The following ELL variants were observed in gnomAD, a reference collection of about 807,000 sequenced individuals.
ELL encodes the protein RNA polymerase II elongation factor ELL.
In ELL, 18 loss-of-function variants were observed where a neutral mutation model predicts 64.0. The observed-to-expected ratio is 0.28, with a 90% CI of 0.19 to 0.42. The LOEUF is 0.42. Among genes scored for constraint, ELL ranks in the 10% least tolerant of loss-of-function variants. ELL has a pLI of 1.00. For synonymous variants in ELL, 399 were observed against 376.2 expected (o/e 1.06, Z -0.70); for missense variants, 797 against 870.4 (o/e 0.92, Z 1.06).
chr19:18,483,785 TTCA>T (rs1975355786), intron 1 of ELL, among the ~76,000 whole-genome samples: 1 of 152,144 alleles, frequency 6.6e-6, no homozygotes, highest in Non-Finnish European at 1.5e-5. Flanking sequence ...TGAGCCCTGC[TTCA>T]TCAGACAGAC....
intron 1 of ELL, among the ~76,000 whole-genome samples, chr19:18,492,626 C>T (rs1258963287): frequency 2.6e-5 from 4 of 152,122 alleles, no homozygotes; most frequent in Admixed American, 6.5e-5. Flanking sequence ...TTCTTTTGAG[C>T]GACTGATAAC....
At position 18,446,498 on chromosome 19, in the gene ELL, G is replaced by C. The variant is rs764212759; in HGVS notation, c.1533-18C>G. Reference sequence around the variant, plus strand: ...CGTACTTCCTGAAACAGGAGAGAGGGGCCACTGAGTGGAGGCTGGAAGGAC... The same window carrying C: ...CGTACTTCCTGAAACAGGAGAGAGGCGCCACTGAGTGGAGGCTGGAAGGAC... On this transcript the variant is annotated intron_variant, in intron 9 of 11. Transcript: ENST00000262809. 19 of 1,607,484 alleles carry C rather than the reference G, an allele frequency of 1.2e-5. No homozygotes were observed. Among genetic ancestry groups the C allele is most frequent in the Non-Finnish European group, 1.5e-5 (18 of 1,177,978 alleles).
intron 9 of ELL, 35 bp from the exon 10 acceptor site, chr19:18,446,515 T>TGGAAGGACCCAGCCCCACCCA (rs1568373743): frequency 6.2e-7 from 1 of 1,600,296 alleles, no homozygotes; most frequent in East Asian, 2.2e-5. Flanking sequence ...GAGTGGAGGC[T>TGGAAGGACCCAGCCCCACCCA]GGAAGGACCC....
chr19:18,462,967 C>T (rs971743832), intron 4 of ELL, among the ~76,000 whole-genome samples: 6 of 152,166 alleles, frequency 3.9e-5, no homozygotes, highest in Admixed American at 2.0e-4. Flanking sequence ...CTATCCCCAA[C>T]GCAGAGACGT....
chr19:18,495,211 A>G (rs1975622243), intron 1 of ELL, among the ~76,000 whole-genome samples: 1 of 152,128 alleles, frequency 6.6e-6, no homozygotes, highest in African/African-American at 2.4e-5. Context: ...GAAGTGCAGG[A>G]GGCGAGCTGA....
chr19:18,481,944 G>A (rs968773178), intron 1 of ELL, among the ~76,000 whole-genome samples: 2 of 152,186 alleles, frequency 1.3e-5, no homozygotes, highest in Non-Finnish European at 2.9e-5. Context: ...GGCTCCCAAA[G>A]TTGCTGTACC....
At chr19:18,468,235 C>CAA (rs1974993850) in intron 2 of ELL, among the ~76,000 whole-genome samples, 1 of 151,510 alleles carries the variant, frequency 6.6e-6, no homozygotes, top group African/African-American at 2.4e-5. Flanking sequence ...CATACACACA[C>CAA]ACACACACAA....
chr19:18,445,112 C>T (rs1974384920), intron 11 of ELL, 112 bp downstream of exon 11: 2 of 1,465,772 alleles, frequency 1.4e-6, no homozygotes. Flanking sequence ...GACTCAAAGG[C>T]TCTTCCCCCA....
At chr19:18,513,199 G>A (rs546676064) in intron 1 of ELL, among the ~76,000 whole-genome samples, 16 of 152,240 alleles carry the variant, frequency 1.1e-4, no homozygotes, top group African/African-American at 3.6e-4. Flanking sequence ...CAGACACATG[G>A]GCATGCCAGG....
chr19:18,460,151 T>C (rs1974773278), intron 5 of ELL, among the ~76,000 whole-genome samples: 1 of 152,152 alleles, frequency 6.6e-6, no homozygotes, highest in African/African-American at 2.4e-5. Flanking sequence ...CCAAGCACCT[T>C]TGAGGCATGC....
chr19:18,462,741 G>A (rs1020735504), intron 4 of ELL, among the ~76,000 whole-genome samples: 2 of 152,170 alleles, frequency 1.3e-5, no homozygotes, highest in Non-Finnish European at 2.9e-5. Context: ...TGAACTGCAA[G>A]AGGCAGTCAC....
chr19:18,478,708 G>C (rs563316863), intron 1 of ELL, among the ~76,000 whole-genome samples: 1 of 152,220 alleles, frequency 6.6e-6, no homozygotes, highest in Non-Finnish European at 1.5e-5. Context: ...GAGCTGTGCC[G>C]AGGCTGGTGC....
Position 18,465,419 on chromosome 19 carries a change from G to A in ELL, c.462C>T (p.Arg154=). Residue 154 remains arginine (R), a synonymous_variant, in exon 4 of 12, where the codon CGC becomes CGT. Transcript: ENST00000262809. ...RSAIVIKAGG[R]YLGKKVQFRK... is the part of the protein sequence containing the mutation. ...GCCAAACCCACTGCTCACCCAGGTA[G>A]CGGCCTCCAGCCTTGATGACAATGG... The A allele has an allele frequency of 6.3e-7, 1 of 1,598,742 alleles. No individual in the cohort carries two copies. The highest frequency in any genetic ancestry group is 8.6e-7 in the Non-Finnish European group (1 of 1,169,312).
chr19:18,477,997 G>A (rs1975215548), intron 1 of ELL, among the ~76,000 whole-genome samples: 1 of 152,170 alleles, frequency 6.6e-6, no homozygotes, highest in African/African-American at 2.4e-5. Context: ...GAAAGCAGCT[G>A]GGGTGCAGTG....
Position 18,445,410 on chromosome 19 carries a change from G to C in ELL, c.1705-142C>G. ...GACAAGGCCAAGTAACACCCCAGGG[G>C]CCCACAGCGGCTGTAGCTCCGGAGT... On this transcript the variant is annotated intron_variant, in intron 10 of 11. Transcript: ENST00000262809. The C allele has an allele frequency of 3.5e-6, 3 of 850,518 alleles. No individual in the cohort carries two copies. In the South Asian group the frequency reaches 4.3e-5, roughly 12 times the overall value. The allele number at this position is 850,518 out of a possible 1,614,324, so 52.7% of individuals were successfully genotyped here. A position where few individuals can be genotyped will look rare whatever the true frequency, so the allele number is the denominator to read the frequency against.
Position 18,446,341 on chromosome 19 carries a change from G to A in ELL, c.1672C>T (p.Arg558Trp), listed in dbSNP as rs964006105. 5 of 1,600,004 alleles carry A rather than the reference G, an allele frequency of 3.1e-6. No homozygotes were observed. Among genetic ancestry groups the A allele is most frequent in the Non-Finnish European group, 2.6e-6 (3 of 1,175,820 alleles). ...TCCTCGGAGCCCTGGGAGAGCTGCC[G>A]GAGCTGGGCGTCGAGCTGGGTGAAC... ...RRFTQLDAQL[R>W]QLSQGSEEYE... is the part of the protein sequence containing the mutation. Residue 558 changes from arginine to tryptophan, a missense_variant, in exon 10 of 12, where the codon CGG (arginine) becomes TGG (tryptophan). By Grantham distance (101) the Arg-to-Trp change is moderately radical. Coordinates refer to ENST00000262809, the MANE Select transcript of ELL (RefSeq NM_006532.4).
At chr19:18,485,313 T>C (rs1434707001) in intron 1 of ELL, among the ~76,000 whole-genome samples, 2 of 152,140 alleles carry the variant, frequency 1.3e-5, no homozygotes, top group Non-Finnish European at 2.9e-5. Context: ...GACCTGTCAG[T>C]CTGTAGGGCC....
chr19:18,494,356 C>T (rs1244718462), intron 1 of ELL, among the ~76,000 whole-genome samples: 1 of 151,648 alleles, frequency 6.6e-6, no homozygotes, highest in Non-Finnish European at 1.5e-5. Flanking sequence ...TCCCAGCCCA[C>T]GTAGGAAGGA....
intron 1 of ELL, among the ~76,000 whole-genome samples, chr19:18,473,889 T>C (rs978587126): frequency 5.9e-5 from 9 of 151,922 alleles, no homozygotes; most frequent in Non-Finnish European, 8.8e-5. Flanking sequence ...CCTGTCCTCA[T>C]AGTACCCCGT....
Sources: allele counts gnomAD v4.1 joint callset (sites outside exome capture counted in the v4.1 genomes callset), GRCh38; gene constraint gnomAD v4.1.1; transcripts MANE v1.5; gene names NCBI Gene and HGNC (gene_info 2026-07-23, HGNC 2026-07-21).